HHLA2: variants seen among roughly 807,000 people sequenced by gnomAD.
HHLA2 encodes the protein HHLA2 member of B7 family.
Under a neutral mutation model 45.9 loss-of-function variants are expected in HHLA2, and 48 were observed. That is an observed-to-expected ratio of 1.05 (90% CI 0.83 to 1.33). The LOEUF is 1.33. Among genes scored for constraint, HHLA2 ranks in the 40% most tolerant of loss-of-function variants. The pLI, the probability that HHLA2 is intolerant of heterozygous loss-of-function variation, is 0.00. For synonymous variants in HHLA2, 161 were observed against 173.9 expected, an observed-to-expected ratio of 0.93 and a Z score of 0.59; for missense variants, 462 against 494.3, an observed-to-expected ratio of 0.93 and a Z score of 0.62.
At chr3:108,361,879 C>T (rs2081989246) in intron 7 of HHLA2, among the ~76,000 whole-genome samples, 1 of 152,162 alleles carries the variant, frequency 6.6e-6, no homozygotes, top group Non-Finnish European at 1.5e-5. Flanking sequence ...TGCACTCTTA[C>T]TTCATCCTCC....
chr3:108,337,017 G>C (rs931131339), intron 3 of HHLA2, among the ~76,000 whole-genome samples: 2 of 152,088 alleles, frequency 1.3e-5, no homozygotes, highest in Non-Finnish European at 2.9e-5. Context: ...TTTTGGACCA[G>C]AGGTTGAAGC....
rs570606195 is a variant in HHLA2 at position 108,299,842 on chromosome 3, T to G, written c.-192+3243T>G. 2.4e-4 allele frequency among the ~76,000 whole-genome samples: 37 copies of G among 152,260 alleles called. No homozygotes were observed. In the East Asian group the frequency reaches 5.8e-3, roughly 24 times the overall value. Reference sequence around the variant, plus strand: ...TTTCGTGTAGGAGCAAGGGTCACTCTAGAATAAACTTAGATTCTCACAGTG... The same window carrying G: ...TTTCGTGTAGGAGCAAGGGTCACTCGAGAATAAACTTAGATTCTCACAGTG... On this transcript the variant is annotated intron_variant, in intron 1 of 10. Transcript: ENST00000619531.
intron 3 of HHLA2, among the ~76,000 whole-genome samples, chr3:108,334,339 C>T (rs1371474679): frequency 6.6e-6 from 1 of 152,088 alleles, no homozygotes; most frequent in East Asian, 1.9e-4. Flanking sequence ...CTTTCATTGC[C>T]CAAGTGTCAT....
chr3:108,348,456 A>G (rs752358972), intron 3 of HHLA2, among the ~76,000 whole-genome samples: 7 of 152,190 alleles, frequency 4.6e-5, no homozygotes, highest in Non-Finnish European at 8.8e-5. Context: ...GAAGACAGCT[A>G]TTTAGACAAT....
At chr3:108,305,536 T>C (rs2080915503) in intron 1 of HHLA2, among the ~76,000 whole-genome samples, 2 of 152,180 alleles carry the variant, frequency 1.3e-5, no homozygotes, top group East Asian at 1.9e-4. Context: ...TATCCCAATG[T>C]CATCATCTAG....
chr3:108,306,027 G>A (rs967790271), intron 1 of HHLA2, among the ~76,000 whole-genome samples: 1 of 152,138 alleles, frequency 6.6e-6, no homozygotes, highest in Non-Finnish European at 1.5e-5. Flanking sequence ...CTCAGTGATT[G>A]AGCACAGTGG....
At chr3:108,336,082 T>C (rs961298367) in intron 3 of HHLA2, among the ~76,000 whole-genome samples, 2 of 152,092 alleles carry the variant, frequency 1.3e-5, no homozygotes, top group Non-Finnish European at 2.9e-5. Flanking sequence ...CTTCATACAC[T>C]ATCTTGTTAT....
chr3:108,339,579 T>C (rs1363400510), intron 3 of HHLA2, among the ~76,000 whole-genome samples: 2 of 152,102 alleles, frequency 1.3e-5, no homozygotes, highest in Non-Finnish European at 2.9e-5. Flanking sequence ...ATATATGTAA[T>C]GCATATATTA....
At chr3:108,329,288 C>A (rs12633329) in intron 3 of HHLA2, among the ~76,000 whole-genome samples, 2 of 152,068 alleles carry the variant, frequency 1.3e-5, no homozygotes, top group East Asian at 1.9e-4. Context: ...CCAACATGGC[C>A]TTGGAGGAAA....
At chr3:108,327,358 G>A (rs904697167) in intron 2 of HHLA2, among the ~76,000 whole-genome samples, 2 of 152,122 alleles carry the variant, frequency 1.3e-5, no homozygotes, top group Admixed American at 6.6e-5. Context: ...GTGAATTAAT[G>A]TCTTTCAGTT....
chr3:108,310,205 G>C (rs965815756), intron 1 of HHLA2, among the ~76,000 whole-genome samples: 13 of 151,894 alleles, frequency 8.6e-5, no homozygotes, highest in African/African-American at 3.1e-4. Context: ...TTTTTCCAGA[G>C]AGAAATTAGG....
chr3:108,375,642 AG>A, intron 8 of HHLA2, 107 bp from the exon 8 acceptor site: 1 of 1,376,766 alleles, frequency 7.3e-7, no homozygotes, highest in Non-Finnish European at 9.8e-7. Context: ...TCAAAGAACC[AG>A]AGAGTGACTT....
chr3:108,306,075 G>A (rs1226303783), intron 1 of HHLA2, among the ~76,000 whole-genome samples: 1 of 152,168 alleles, frequency 6.6e-6, no homozygotes, highest in Non-Finnish European at 1.5e-5. Context: ...GATGACTTTG[G>A]TGCAAGGGTT....
intron 7 of HHLA2, 22 bp from the exon 7 acceptor site, chr3:108,362,320 T>C: frequency 6.4e-7 from 1 of 1,568,328 alleles, no homozygotes. Context: ...TCACAGACTT[T>C]GTTTCTCCTT....
chr3:108,308,454 G>A (rs187014390), intron 1 of HHLA2, among the ~76,000 whole-genome samples: 1 of 152,224 alleles, frequency 6.6e-6, no homozygotes, highest in Non-Finnish European at 1.5e-5. Context: ...TAGCTATTAT[G>A]AGCAGTGCTG....
intron 6 of HHLA2, among the ~76,000 whole-genome samples, chr3:108,356,630 A>C (rs995916081): frequency 6.6e-6 from 1 of 152,208 alleles, no homozygotes; most frequent in Non-Finnish European, 1.5e-5. Flanking sequence ...TCTCATGTTC[A>C]TTTAGAATTG....
chr3:108,362,479 T>C, intron 8 of HHLA2, 33 bp downstream of exon 7: 1 of 1,277,744 alleles, frequency 7.8e-7, no homozygotes, highest in Non-Finnish European at 1.1e-6. Flanking sequence ...GCCCCACGTG[T>C]TCCACATCAC....
intron 8 of HHLA2, among the ~76,000 whole-genome samples, chr3:108,373,653 C>T (rs1372956871): frequency 6.6e-6 from 1 of 151,832 alleles, no homozygotes; most frequent in African/African-American, 2.4e-5. Context: ...AATCAATGTG[C>T]AAAAATCACA....
rs111328656 is a variant in HHLA2 at position 108,310,062 on chromosome 3, C to T, written c.-191-593C>T. Among the ~76,000 whole-genome samples, 304 of 152,200 alleles carry T rather than the reference C, an allele frequency of 2.0e-3. 2 individuals carry two copies. Among genetic ancestry groups the T allele is most frequent in the African/African-American group, 6.7e-3 (278 of 41,532 alleles). ...CTAGCTGCTTTGGTCATTACAGGCT[C>T]TTTAAAGTTGATGCCTGTGTCCTTT... On this transcript the variant is annotated intron_variant, in intron 1 of 10. Coordinates refer to ENST00000619531, the Ensembl canonical transcript of HHLA2.
Sources: gnomAD v4.1 joint callset for allele counts (sites outside exome capture counted in the v4.1 genomes callset) on GRCh38, gnomAD v4.1.1 for gene constraint, MANE v1.5 for transcripts, NCBI Gene and HGNC (gene_info 2026-07-23, HGNC 2026-07-21) for gene names.